The following DMRT1 variants were observed in gnomAD, a reference collection of about 807,000 sequenced individuals.
The protein encoded by DMRT1 is doublesex and mab-3 related transcription factor 1, also known as doublesex- and mab-3-related transcription factor 1.
Under a neutral mutation model 32.3 loss-of-function variants are expected in DMRT1, and 7 were observed. That is an observed-to-expected ratio of 0.22 (90% CI 0.12 to 0.41). The LOEUF is 0.41. Ranked by LOEUF, DMRT1 falls within the 10% of genes least tolerant of loss-of-function variation. The probability of loss-of-function intolerance (pLI) is 1.00; values close to 1 mark genes in which losing one functional copy is unlikely to be tolerated. For missense variants in DMRT1, 625 were observed against 500.5 expected, an observed-to-expected ratio of 1.25 and a Z score of -2.37; for synonymous variants, 278 against 206.1, an observed-to-expected ratio of 1.35 and a Z score of -2.99.
rs561460401 is a variant in DMRT1, at chr9:846,982, C to A, written c.377C>A (p.Ala126Asp). ...CAGGTGGCCCTGAGAAGGCAGCAGG[C>A]CCAGGAGGAGGAATTGGGTATCAGC... The part of the protein sequence containing the change: ...AAQVALRRQQ[A>D]QEEELGISHP... Residue 126 changes from alanine (A) to aspartate (D), a missense_variant, in exon 2 of 5, where the codon GCC becomes GAC. Coordinates refer to ENST00000382276, the MANE Select transcript of DMRT1 (RefSeq NM_021951.3). 1 of 1,614,106 alleles carries A rather than the reference C, an allele frequency of 6.2e-7. No individual in the cohort carries two copies. The highest frequency in any genetic ancestry group is 1.1e-5 in the South Asian group (1 of 91,078).
chr9:867,197 A>T (rs1816029008), intron 2 of DMRT1, among the ~76,000 whole-genome samples: 1 of 152,160 alleles, frequency 6.6e-6, no homozygotes, highest in Non-Finnish European at 1.5e-5. Flanking sequence ...AGGACTGAAA[A>T]AAAACAAAGC....
At chr9:842,230 GTT>G (rs780064237) in intron 1 of DMRT1, 38 bp downstream of exon 1, 132,168 of 1,211,482 alleles carry the variant, frequency 0.11, 1,586 homozygotes, top group East Asian at 0.29. Flanking sequence ...TTCAGCCTTA[GTT>G]TTTTTTTTTT....
intron 3 of DMRT1, among the ~76,000 whole-genome samples, chr9:910,395 C>G (rs1370293107): frequency 6.6e-6 from 1 of 151,828 alleles, no homozygotes; most frequent in Non-Finnish European, 1.5e-5. Context: ...TAGTAAACAA[C>G]TAGATGACAA....
At chr9:899,168 CA>C (rs551993599) in intron 3 of DMRT1, among the ~76,000 whole-genome samples, 8 of 149,640 alleles carry the variant, frequency 5.3e-5, no homozygotes, top group South Asian at 2.1e-4. Flanking sequence ...AATCTTTCTT[CA>C]AAAAAAATCA....
At chr9:848,134 A>C (rs187153800) in intron 2 of DMRT1, among the ~76,000 whole-genome samples, 51 of 152,386 alleles carry the variant, frequency 3.3e-4, no homozygotes, top group African/African-American at 1.2e-3. Flanking sequence ...ACAGCCTAGC[A>C]GTGTGATATC....
At chr9:850,284 C>T (rs557602142) in intron 2 of DMRT1, among the ~76,000 whole-genome samples, 11 of 152,222 alleles carry the variant, frequency 7.2e-5, no homozygotes, top group South Asian at 4.1e-4. Flanking sequence ...AATTAAACTA[C>T]GTAAATATAG....
chr9:967,641 T>C (rs1819971693), intron 4 of DMRT1, among the ~76,000 whole-genome samples: 1 of 152,226 alleles, frequency 6.6e-6, no homozygotes, highest in Non-Finnish European at 1.5e-5. Flanking sequence ...TTCATCAGCA[T>C]ACTTTGCATA....
chr9:931,623 A>G (rs1269278904), intron 4 of DMRT1, among the ~76,000 whole-genome samples: 4 of 152,214 alleles, frequency 2.6e-5, no homozygotes, highest in Admixed American at 6.5e-5. Flanking sequence ...TGGGTTGTAG[A>G]CTGCCATCTT....
intron 3 of DMRT1, among the ~76,000 whole-genome samples, chr9:902,255 TG>T (rs201346356): frequency 0.03 from 4,443 of 147,050 alleles, 246 homozygotes; most frequent in African/African-American, 0.11. Context: ...GATGGTGGGA[TG>T]TTTTTTGTTA....
intron 3 of DMRT1, among the ~76,000 whole-genome samples, chr9:906,052 C>A (rs58027327): frequency 2.7e-5 from 2 of 75,350 alleles, no homozygotes; most frequent in African/African-American, 6.0e-5. Flanking sequence ...CACACACACA[C>A]TCACACACTC....
Position 947,983 on chromosome 9 carries a change from A to T in DMRT1, c.968-20002A>T, listed in dbSNP as rs577850340. On this transcript the variant is annotated intron_variant, in intron 4 of 4. Transcript: ENST00000382276. ...GTTCCAGGAGCCCTTGCTGCTGCTGACTGGGAGGTGCTGGAGCTCACTGGG... is the reference window on the plus strand; with the variant it reads ...GTTCCAGGAGCCCTTGCTGCTGCTGTCTGGGAGGTGCTGGAGCTCACTGGG... Among the ~76,000 whole-genome samples, 5 of 152,262 alleles carry T rather than the reference A, an allele frequency of 3.3e-5. No homozygotes were observed. The South Asian group carries it at 1.0e-3, about 32-fold the overall frequency.
chr9:932,849 C>T (rs995433377), intron 4 of DMRT1, among the ~76,000 whole-genome samples: 8 of 152,008 alleles, frequency 5.3e-5, no homozygotes, highest in African/African-American at 1.9e-4. Context: ...GGATACAACT[C>T]AGGAGCAGCC....
intron 2 of DMRT1, among the ~76,000 whole-genome samples, chr9:871,253 A>T (rs1816236833): frequency 6.6e-6 from 1 of 150,718 alleles, no homozygotes; most frequent in African/African-American, 2.4e-5. Flanking sequence ...GTCTTGAATT[A>T]TTGAGCTCGA....
chr9:858,786 A>C (rs1368315748), intron 2 of DMRT1, among the ~76,000 whole-genome samples: 1 of 151,156 alleles, frequency 6.6e-6, no homozygotes, highest in African/African-American at 2.4e-5. Context: ...AGGCAGGAGA[A>C]TCGCTTGAAC....
intron 2 of DMRT1, among the ~76,000 whole-genome samples, chr9:891,187 T>TAAAAA (rs774188236): frequency 2.2e-5 from 3 of 133,708 alleles, no homozygotes; most frequent in Non-Finnish European, 3.2e-5. Flanking sequence ...ACAAAAAAAT[T>TAAAAA]AAAAAAAAAA....
intron 3 of DMRT1, among the ~76,000 whole-genome samples, chr9:908,471 A>G (rs72699284): frequency 1.6e-5 from 2 of 122,152 alleles, no homozygotes; most frequent in African/African-American, 5.4e-5. Context: ...ATGTTTTTTT[A>G]AAAAAGACTG....
intron 2 of DMRT1, among the ~76,000 whole-genome samples, chr9:856,385 A>T (rs1224993754): frequency 5.3e-5 from 8 of 152,048 alleles, no homozygotes; most frequent in Non-Finnish European, 1.0e-4. Flanking sequence ...CATTTCAGTC[A>T]CTCCCCATGT....
chr9:860,570 A>C (rs1394240138), intron 2 of DMRT1, among the ~76,000 whole-genome samples: 1 of 152,176 alleles, frequency 6.6e-6, no homozygotes, highest in Non-Finnish European at 1.5e-5. Context: ...CAGTGCATAT[A>C]TCTCTCACAT....
intron 4 of DMRT1, among the ~76,000 whole-genome samples, chr9:958,068 A>G (rs925511680): frequency 6.6e-6 from 1 of 152,194 alleles, no homozygotes; most frequent in African/African-American, 2.4e-5. Flanking sequence ...ATTTTCATTA[A>G]TGCTGGTTAT....
Sources: gnomAD v4.1 joint callset for allele counts (sites outside exome capture counted in the v4.1 genomes callset) on GRCh38, gnomAD v4.1.1 for gene constraint, MANE v1.5 for transcripts, NCBI Gene and HGNC (gene_info 2026-07-23, HGNC 2026-07-21) for gene names.